Variants in PIK3C2A observed in about 807,000 individuals in gnomAD.
PIK3C2A encodes phosphatidylinositol-4-phosphate 3-kinase catalytic subunit type 2 alpha, also known as phosphatidylinositol 4-phosphate 3-kinase C2 domain-containing subunit alpha.
Under a neutral mutation model 204.5 loss-of-function variants are expected in PIK3C2A, and 97 were observed. The ratio of observed to expected loss-of-function variants is 0.47; its 90% confidence interval spans 0.40 to 0.56. The LOEUF is 0.56. Among genes scored for constraint, PIK3C2A ranks in the 20% least tolerant of loss-of-function variants. The probability of loss-of-function intolerance (pLI) is 0.00; values close to 1 mark genes in which losing one functional copy is unlikely to be tolerated. For missense variants in PIK3C2A, 1,735 were observed against 1,969.2 expected (o/e 0.88, Z 2.25); for synonymous variants, 653 against 664.4 (o/e 0.98, Z 0.26).
At chr11:17,158,528 G>A (rs867570620) in intron 2 of PIK3C2A, among the ~76,000 whole-genome samples, 1 of 151,850 alleles carries the variant, frequency 6.6e-6, no homozygotes, top group Non-Finnish European at 1.5e-5. Context: ...AGCTAATATA[G>A]GCAGAGTGTG....
chr11:17,131,355 C>T (rs934984087), intron 12 of PIK3C2A, among the ~76,000 whole-genome samples: 1 of 150,608 alleles, frequency 6.6e-6, no homozygotes, highest in Non-Finnish European at 1.5e-5. Flanking sequence ...TTTAACTTGA[C>T]AAAGTCTAAA....
intron 8 of PIK3C2A, among the ~76,000 whole-genome samples, chr11:17,137,608 C>T (rs1049361550): frequency 6.6e-6 from 1 of 151,846 alleles, no homozygotes; most frequent in South Asian, 2.1e-4. Context: ...GGGGTTTCAC[C>T]ATGTTGGTCA....
intron 28 of PIK3C2A, among the ~76,000 whole-genome samples, chr11:17,093,697 A>G (rs976582132): frequency 2.7e-5 from 4 of 149,978 alleles, no homozygotes; most frequent in African/African-American, 9.9e-5. Context: ...TAATGCAGTG[A>G]TGTGATCTTC....
Position 17,129,320 on chromosome 11 carries a change from T to C in PIK3C2A, c.2379A>G (p.Leu793=). Residue 793 remains leucine (L), a synonymous_variant, in exon 13 of 33, where the codon TTA becomes TTG. Transcript: ENST00000691414. ...KGPEALGKVS[L]PLFDFKRFLT... ...CTTACCGTTTAAAGTCAAAAAGAGG[T>C]AAAGAAACTTTGCCCAAAGCTTCTG... The C allele has an allele frequency of 6.2e-7, 1 of 1,613,720 alleles. No homozygotes were observed. The highest frequency in any genetic ancestry group is 8.5e-7 in the Non-Finnish European group (1 of 1,179,740).
chr11:17,134,889 A>C lies in PIK3C2A; in HGVS notation c.2038T>G (p.Trp680Gly), dbSNP rs1406454525. Residue 680 changes from tryptophan (W) to glycine (G), a missense_variant, in exon 11 of 33, where the codon TGG becomes GGG. Trp to Gly is a radical substitution (Grantham distance 184). Coordinates refer to ENST00000691414, the MANE Select transcript of PIK3C2A (RefSeq NM_002645.4). The part of the protein sequence containing the change: ...AQSSKSVKEA[W>G]TTTEQLQFTI... The stretch of plus-strand genomic sequence containing the variant: ...AACTGGAGCTGCTCTGTTGTAGTCC[A>C]TGCTTCCTTGACACTCTTGCTACTT... 3.1e-6 allele frequency: 5 copies of C among 1,614,184 alleles called. No individual in the cohort carries two copies. Among genetic ancestry groups the C allele is most frequent in the Non-Finnish European group, 3.4e-6 (4 of 1,180,022 alleles).
chr11:17,105,242 G>C lies in PIK3C2A; in HGVS notation c.3608C>G (p.Thr1203Arg). The part of the protein sequence containing the change: ...LRKIQVEYGV[T>R]GSFKDKPLAE... ...AAGTGGTTTATCTTTAAAGGATCCT[G>C]TCACACCATATTCCACTTGGATTTT... Residue 1203 changes from threonine (T) to arginine (R), a missense_variant, in exon 23 of 33, where the codon ACA (threonine) becomes AGA (arginine). Physicochemically the swap from Thr to Arg is moderately conservative, Grantham distance 71. Around this residue, in one of 6 missense-constraint regions of PIK3C2A, gnomAD observed 503 missense variants for 669.0 expected, o/e 0.75. Transcript: ENST00000691414. 1 of 1,610,050 alleles carries C rather than the reference G, an allele frequency of 6.2e-7. No homozygotes were observed. The highest frequency in any genetic ancestry group is 8.5e-7 in the Non-Finnish European group (1 of 1,176,818).
At chr11:17,169,831 C>T (rs948679844) in intron 1 of PIK3C2A, 25 bp from the exon 2 acceptor site, 5 of 817,094 alleles carry the variant, frequency 6.1e-6, no homozygotes, top group Non-Finnish European at 9.5e-6. Flanking sequence ...AAACATAACA[C>T]TCAATTAGAT....
intron 1 of PIK3C2A, chr11:17,204,441 A>G (rs1457787025): frequency 2.6e-5 from 4 of 152,202 alleles, no homozygotes. Context: ...GCTTGATAGA[A>G]GCAGAGCAGG....
intron 2 of PIK3C2A, among the ~76,000 whole-genome samples, chr11:17,157,936 C>T (rs1850649872): frequency 6.6e-6 from 1 of 152,184 alleles, no homozygotes; most frequent in Admixed American, 6.5e-5. Context: ...CTAAAGATTT[C>T]TATGTTCCAG....
In PIK3C2A at chr11:17,122,392, CTT is replaced by C. The variant is rs1313088093; in HGVS notation, c.2512-61_2512-60del. ...GTCTACGTATTTGCCACATTAACCT[CTT>C]TGTCTTTAAGAAAACAGATTTTTCT... is the stretch of plus-strand genomic sequence containing the variant. On this transcript the variant is annotated intron_variant, in intron 14 of 32. Coordinates refer to ENST00000691414, the MANE Select transcript of PIK3C2A (RefSeq NM_002645.4). 5.7e-6 allele frequency: 6 copies of C among 1,053,714 alleles called. No individual in the cohort carries two copies. In the East Asian group the frequency reaches 7.3e-5, roughly 13 times the overall value. 65.3% of individuals were successfully genotyped at this position (1,053,714 alleles called of 1,614,324 possible).
intron 1 of PIK3C2A, among the ~76,000 whole-genome samples, chr11:17,205,087 G>T (rs1324905125): frequency 1.3e-5 from 2 of 151,976 alleles, no homozygotes; most frequent in Non-Finnish European, 2.9e-5. Flanking sequence ...TGAGGCAGGA[G>T]GATTGCTTGA....
At position 17,091,324 on chromosome 11, in the gene PIK3C2A, TTTAAC is replaced by T. The variant is rs1848304810; in HGVS notation, c.4878+5_4878+9del. On this transcript the variant is annotated splice_donor_5th_base_variant and intron_variant, in intron 32 of 32. Coordinates refer to ENST00000691414, the MANE Select transcript of PIK3C2A (RefSeq NM_002645.4). ...AACCAAGGAAACTTCTAGAAATGAT[TTTAAC>T]TTACCATTTCATTGAATGTCGGATT... 6.2e-7 allele frequency: 1 copy of T among 1,602,836 alleles called. No individual in the cohort carries two copies. Among genetic ancestry groups the T allele is most frequent in the Admixed American group, 1.8e-5 (1 of 57,114 alleles).
chr11:17,205,674 G>A (rs1852546294), intron 1 of PIK3C2A, among the ~76,000 whole-genome samples: 1 of 152,006 alleles, frequency 6.6e-6, no homozygotes, highest in African/African-American at 2.4e-5. Context: ...AAAGAGTCCT[G>A]GACATGGGAA....
chr11:17,086,686 CTT>C lies in PIK3C2A; in HGVS notation c.*3050_*3051del, dbSNP rs776212703. The C allele has an allele frequency of 3.9e-4, 60 of 152,104 alleles. No individual in the cohort carries two copies. Among genetic ancestry groups the C allele is most frequent in the African/African-American group, 7.5e-4 (31 of 41,402 alleles). The allele number at this position is 152,104 out of a possible 1,614,324, so 9.4% of individuals were successfully genotyped here. ...AATATTATACATCTTTATTCACTAT[CTT>C]AATATAATTAAAGTATTTGGTTCTT... On this transcript the variant is annotated 3_prime_UTR_variant, in exon 33 of 33. Transcript: ENST00000691414.
In PIK3C2A at chr11:17,182,470, C is replaced by G. The variant is rs544262143; in HGVS notation, c.-65-12664G>C. On this transcript the variant is annotated intron_variant, in intron 1 of 32. Transcript: ENST00000691414. ...TAGTCCCAGCTACTCTGGAGGCTGA[C>G]AGGTAGGAGCATCACTTGAGCCCAG... Among the ~76,000 whole-genome samples the G allele has an allele frequency of 7.0e-4, 105 of 149,432 alleles. 4 individuals carry two copies. The South Asian group carries it at 0.021, about 30-fold the overall frequency.
chr11:17,121,136 G>A (rs545855150), intron 15 of PIK3C2A, among the ~76,000 whole-genome samples: 1 of 150,530 alleles, frequency 6.6e-6, no homozygotes, highest in South Asian at 2.1e-4. Flanking sequence ...TTTCTTTTTT[G>A]AGACAGGGTA....
intron 1 of PIK3C2A, among the ~76,000 whole-genome samples, chr11:17,171,016 T>C (rs1354526799): frequency 6.6e-6 from 1 of 152,008 alleles, no homozygotes; most frequent in Non-Finnish European, 1.5e-5. Flanking sequence ...GGCAGGAGAA[T>C]GGCATGAACC....
chr11:17,132,315 ATTTTTTTTTT>A (rs11307715), intron 11 of PIK3C2A, among the ~76,000 whole-genome samples: 1 of 78,812 alleles, frequency 1.3e-5, no homozygotes, highest in Non-Finnish European at 2.4e-5. Context: ...ATTAACTTTA[ATTTTTTTTTT>A]TTTTTTTTTT....
chr11:17,122,731 CT>C lies in PIK3C2A; in HGVS notation c.2481del (p.Gly828AspfsTer7). 17 of 1,521,846 alleles carry C rather than the reference CT, an allele frequency of 1.1e-5. No homozygotes were observed. Among genetic ancestry groups the C allele is most frequent in the Non-Finnish European group, 1.5e-5 (16 of 1,099,400 alleles). The allele number at this position is 1,521,846 out of a possible 1,614,324, so 94.3% of individuals were successfully genotyped here. On this transcript the variant is annotated frameshift_variant, in exon 14 of 33. Coordinates refer to ENST00000691414, the MANE Select transcript of PIK3C2A (RefSeq NM_002645.4). LOFTEE classifies it high-confidence loss of function. ...TNSVPGTVTK[K>X]GYVMERIVLQ... ...AGCACTATTCTTTCCATGACATATC[CT>C]TTTTTGGTAACTGTTCCAGGAACAG...
Sources: gnomAD v4.1 joint callset for allele counts (sites outside exome capture counted in the v4.1 genomes callset) on GRCh38, gnomAD v4.1.1 for gene constraint, gnomAD v4.1.1 regional missense constraint, MANE v1.5 for transcripts, NCBI Gene and HGNC (gene_info 2026-07-23, HGNC 2026-07-21) for gene names.